The following BORCS8 variants were observed in gnomAD, a reference collection of about 807,000 sequenced individuals.
BORCS8 encodes the protein BLOC-1 related complex subunit 8.
A neutral mutation model predicts 18.7 loss-of-function variants in BORCS8; 13 were observed. That is an observed-to-expected ratio of 0.70 (90% CI 0.45 to 1.11). BORCS8 has a LOEUF of 1.11. BORCS8 is among the 50% of genes least tolerant of loss of function. BORCS8 has a pLI of 0.00. For synonymous variants in BORCS8, 68 were observed against 64.8 expected, an observed-to-expected ratio of 1.05 and a Z score of -0.24; for missense variants, 165 against 165.7, an observed-to-expected ratio of 1.00 and a Z score of 0.02.
chr19:19,186,477 T>C (rs767347227), intron 2 of BORCS8, among the ~76,000 whole-genome samples: 13 of 152,238 alleles, frequency 8.5e-5, no homozygotes, highest in Non-Finnish European at 1.6e-4. Context: ...AACTGAATCA[T>C]AGAGGTGGTT....
At chr19:19,179,005 T>C (rs2060326346) in intron 5 of BORCS8, 2 of 149,588 alleles carry the variant, frequency 1.3e-5, no homozygotes, top group Non-Finnish European at 2.9e-5. Flanking sequence ...AGATGCGGCA[T>C]GAGGCTGGCG....
intron 1 of BORCS8, 102 bp from the exon 2 acceptor site, chr19:19,187,107 C>T (rs997625982): frequency 3.7e-6 from 3 of 817,086 alleles, no homozygotes; most frequent in Middle Eastern, 2.3e-4. Flanking sequence ...GGGCATCTGG[C>T]GTGTCCCTCC....
At chr19:19,180,660 G>A (rs1376762536) in intron 5 of BORCS8, 26 bp downstream of exon 5, 2 of 1,458,552 alleles carry the variant, frequency 1.4e-6, no homozygotes, top group East Asian at 4.9e-5. Context: ...CAGAGAGAGA[G>A]GCTCGTGGCT....
rs2060340610 is a variant in BORCS8, at chr19:19,180,770, A to G, written c.327-9T>C. On this transcript the variant is annotated splice_polypyrimidine_tract_variant and intron_variant, in intron 4 of 5. Coordinates refer to ENST00000462790, the MANE Select transcript of BORCS8 (RefSeq NM_001145784.2). ...GGGGTGGTTCCTCCGGGCTGCAACA[A>G]AACATGTGCAGCATCCATGAGGCCA... The G allele has an allele frequency of 5.8e-6, 9 of 1,545,818 alleles. No homozygotes were observed. Among genetic ancestry groups the G allele is most frequent in the Non-Finnish European group, 7.9e-6 (9 of 1,144,348 alleles).
chr19:19,186,137 C>T (rs1213405663), intron 2 of BORCS8, 39 bp from the exon 3 acceptor site: 1 of 1,543,676 alleles, frequency 6.5e-7, no homozygotes. Context: ...AGGGAGGCCA[C>T]CCCCACCTAG....
intron 4 of BORCS8, among the ~76,000 whole-genome samples, chr19:19,181,717 T>G (rs2060350833): frequency 6.6e-6 from 1 of 152,204 alleles, no homozygotes; most frequent in Non-Finnish European, 1.5e-5. Context: ...CTCCCATTCT[T>G]ACACATACAC....
At chr19:19,191,759 T>G (rs2060482570) in intron 1 of BORCS8, among the ~76,000 whole-genome samples, 1 of 151,884 alleles carries the variant, frequency 6.6e-6, no homozygotes, top group Non-Finnish European at 1.5e-5. Context: ...TTTGTATTTT[T>G]TTAGAGACGA....
chr19:19,188,087 T>G (rs561632318), intron 1 of BORCS8, among the ~76,000 whole-genome samples: 1 of 152,086 alleles, frequency 6.6e-6, no homozygotes, highest in African/African-American at 2.4e-5. Context: ...TGGAGTGTAG[T>G]GGGGCAATCT....
chr19:19,179,961 AG>A (rs2060333372), intron 5 of BORCS8: 1 of 152,826 alleles, frequency 6.5e-6, no homozygotes. Flanking sequence ...GTCCTGGCCA[AG>A]GGACCCCCTG....
At position 19,182,477 on chromosome 19, in the gene BORCS8, T is replaced by C; in HGVS notation, c.326+96A>G. 1 of 1,471,898 alleles carries C rather than the reference T, an allele frequency of 6.8e-7. No individual in the cohort carries two copies. The highest frequency in any genetic ancestry group is 2.5e-5 in the East Asian group (1 of 39,944). The allele number at this position is 1,471,898 out of a possible 1,614,324, so 91.2% of individuals were successfully genotyped here. A position where few individuals can be genotyped will look rare whatever the true frequency, so the allele number is the denominator to read the frequency against. ...CACCAGGACAAAAGGAAAGAGACAG[T>C]TTTCTAATAAGCGAGAAGCAGCGGT... On this transcript the variant is annotated intron_variant, in intron 4 of 5. Coordinates refer to ENST00000462790, the MANE Select transcript of BORCS8 (RefSeq NM_001145784.2). This position sits in a 1 kb window ranked among gnomAD's most constrained non-coding sequence, Gnocchi z 4.1.
chr19:19,181,699 T>C (rs2060350674), intron 4 of BORCS8, among the ~76,000 whole-genome samples: 2 of 152,206 alleles, frequency 1.3e-5, no homozygotes, highest in South Asian at 4.1e-4. Flanking sequence ...TGAGGGAAGA[T>C]TGCTACACTC....
chr19:19,188,808 T>A (rs899021501), intron 1 of BORCS8, among the ~76,000 whole-genome samples: 1 of 151,818 alleles, frequency 6.6e-6, no homozygotes, highest in Non-Finnish European at 1.5e-5. Flanking sequence ...TTTCCCCTTC[T>A]CCCCTGCAGG....
rs1330793214 is a variant in BORCS8, at chr19:19,182,271, A to G, written c.326+302T>C. ...CAGTGTTCTTCACAGCGCATCTGAC[A>G]TGCTCTTGTCTGCCATGTTTACCTG... is the stretch of plus-strand genomic sequence containing the variant. On this transcript the variant is annotated intron_variant, in intron 4 of 5. Coordinates refer to ENST00000462790, the MANE Select transcript of BORCS8 (RefSeq NM_001145784.2). This position sits in a 1 kb window ranked among gnomAD's most constrained non-coding sequence, Gnocchi z 4.1. The G allele has an allele frequency of 7.1e-6, 4 of 560,300 alleles. No individual in the cohort carries two copies. The highest frequency in any genetic ancestry group is 1.0e-5 in the Non-Finnish European group (4 of 393,978). 34.7% of individuals were successfully genotyped at this position (560,300 alleles called of 1,614,324 possible). A position where few individuals can be genotyped will look rare whatever the true frequency, so the allele number is the denominator to read the frequency against.
chr19:19,188,116 A>G (rs2049819260), intron 1 of BORCS8, among the ~76,000 whole-genome samples: 2 of 151,310 alleles, frequency 1.3e-5, no homozygotes, highest in South Asian at 2.1e-4. Flanking sequence ...TGCAAGCTCC[A>G]CCTCCTGGGT....
intron 1 of BORCS8, among the ~76,000 whole-genome samples, 190 bp downstream of exon 1, chr19:19,191,891 C>G (rs1457428433): frequency 6.6e-6 from 1 of 152,212 alleles, no homozygotes. Flanking sequence ...TTGAAACAAT[C>G]CTGGGGGGAC....
chr19:19,181,825 T>C, intron 4 of BORCS8: 1 of 980,022 alleles, frequency 1.0e-6, no homozygotes, highest in Non-Finnish European at 1.2e-6. Context: ...AACCCCAATC[T>C]GTGGGAGCCA....
At chr19:19,187,858 T>C (rs1254637799) in intron 1 of BORCS8, among the ~76,000 whole-genome samples, 1 of 150,374 alleles carries the variant, frequency 6.7e-6, no homozygotes. Flanking sequence ...ACTTTTTTTT[T>C]AGAGACAGGG....
intron 3 of BORCS8, 121 bp downstream of exon 3, chr19:19,185,913 A>G (rs572296121): frequency 2.0e-5 from 20 of 990,160 alleles, no homozygotes; most frequent in Middle Eastern, 3.1e-4. Context: ...GACCCCATAC[A>G]CCCACTCGGG....
At chr19:19,184,788 TAGGGTTTCACC>T (rs1196849030) in intron 3 of BORCS8, among the ~76,000 whole-genome samples, 2 of 151,832 alleles carry the variant, frequency 1.3e-5, no homozygotes, top group Non-Finnish European at 2.9e-5. Context: ...TTTGTAGGAA[TAGGGTTTCACC>T]AGGTTGCCCA....
Sources: allele counts gnomAD v4.1 joint callset (sites outside exome capture counted in the v4.1 genomes callset), GRCh38; gene constraint gnomAD v4.1.1; non-coding constraint Gnocchi (gnomAD v3.1); transcripts MANE v1.5; gene names NCBI Gene and HGNC (gene_info 2026-07-23, HGNC 2026-07-21).